The following CMPK1 variants were observed in gnomAD, a reference collection of about 807,000 sequenced individuals.
The protein encoded by CMPK1 is UMP-CMP kinase.
Under a neutral mutation model 25.7 loss-of-function variants are expected in CMPK1, and 10 were observed. The observed-to-expected ratio is 0.39, with a 90% CI of 0.24 to 0.66. The LOEUF is 0.66. CMPK1 is among the 30% of genes least tolerant of loss of function. CMPK1 has a pLI of 0.48. For synonymous variants in CMPK1, 106 were observed against 101.5 expected (o/e 1.04, Z -0.27); for missense variants, 199 against 280.5 (o/e 0.71, Z 2.08).
chr1:47,368,683 C>T, intron 2 of CMPK1, 68 bp downstream of exon 2: 1 of 1,348,600 alleles, frequency 7.4e-7, no homozygotes, highest in Non-Finnish European at 9.8e-7. Flanking sequence ...ACCTTTTGGC[C>T]AGGCAGTTGC....
chr1:47,376,982 G>T lies in CMPK1; in HGVS notation c.*237G>T. 2.9e-6 allele frequency: 1 copy of T among 349,448 alleles called. No homozygotes were observed. The allele number at this position is 349,448 out of a possible 1,614,324, so 21.6% of individuals were successfully genotyped here. ...GGTGCTCACCAAACGAAGGGTATCA[G>T]CTATTTTTTTTAAAATTCAAAAAGA... On this transcript the variant is annotated 3_prime_UTR_variant, in exon 6 of 6. Transcript: ENST00000371873.
At chr1:47,351,955 G>A (rs1412372413) in intron 1 of CMPK1, among the ~76,000 whole-genome samples, 1 of 151,994 alleles carries the variant, frequency 6.6e-6, no homozygotes, top group Non-Finnish European at 1.5e-5. Flanking sequence ...GACCAACGTA[G>A]TGAAACCCTG....
At chr1:47,358,874 C>T (rs1260138457) in intron 1 of CMPK1, 2 of 984,762 alleles carry the variant, frequency 2.0e-6, no homozygotes, top group South Asian at 4.7e-5. Flanking sequence ...CTAAAGAGCA[C>T]CTGAGATACT....
intron 1 of CMPK1, among the ~76,000 whole-genome samples, chr1:47,357,771 C>T (rs139305606): frequency 6.6e-6 from 1 of 152,010 alleles, no homozygotes; most frequent in African/African-American, 2.4e-5. Flanking sequence ...AGATGTGAGC[C>T]ACTGCACCGG....
intron 1 of CMPK1, among the ~76,000 whole-genome samples, chr1:47,335,481 A>G (rs540891119): frequency 1.3e-5 from 2 of 152,122 alleles, no homozygotes; most frequent in South Asian, 2.1e-4. Context: ...TACTAAAAAT[A>G]CAAAAATTAG....
At chr1:47,340,161 C>T (rs913416553) in intron 1 of CMPK1, among the ~76,000 whole-genome samples, 1 of 151,506 alleles carries the variant, frequency 6.6e-6, no homozygotes, top group Admixed American at 6.6e-5. Flanking sequence ...GGCTCATTCT[C>T]ACTGCAGCCT....
At chr1:47,362,111 T>G (rs1477255721) in intron 1 of CMPK1, among the ~76,000 whole-genome samples, 1 of 148,028 alleles carries the variant, frequency 6.8e-6, no homozygotes, top group South Asian at 2.1e-4. Flanking sequence ...CTCAGGTGAT[T>G]CGCCTGCCTT....
chr1:47,342,649 CTTTT>C (rs11334963), intron 1 of CMPK1, among the ~76,000 whole-genome samples: 5 of 116,406 alleles, frequency 4.3e-5, no homozygotes, highest in Non-Finnish European at 5.3e-5. Context: ...TCTCTTTTTT[CTTTT>C]TTTTTTTTTT....
intron 2 of CMPK1, among the ~76,000 whole-genome samples, chr1:47,369,345 T>C (rs1350005768): frequency 6.6e-6 from 1 of 152,072 alleles, no homozygotes; most frequent in South Asian, 2.1e-4. Flanking sequence ...GTGGTTATGC[T>C]TGAGAATGGC....
intron 1 of CMPK1, among the ~76,000 whole-genome samples, chr1:47,347,625 T>G (rs1646494478): frequency 1.3e-5 from 2 of 152,054 alleles, no homozygotes; most frequent in Non-Finnish European, 1.5e-5. Flanking sequence ...TGTTGTTGTT[T>G]TTGGTTTTTG....
intron 1 of CMPK1, chr1:47,358,581 T>C: frequency 1.0e-6 from 1 of 997,868 alleles, no homozygotes; most frequent in Non-Finnish European, 1.2e-6. Context: ...TTAAACAAAT[T>C]ACCCACTGTC....
At chr1:47,336,001 T>C (rs1267411387) in intron 1 of CMPK1, among the ~76,000 whole-genome samples, 1 of 152,134 alleles carries the variant, frequency 6.6e-6, no homozygotes, top group East Asian at 1.9e-4. Context: ...GACCTCGTGA[T>C]CTGCCCGCCT....
chr1:47,365,444 G>T (rs572942372), intron 1 of CMPK1, among the ~76,000 whole-genome samples: 1 of 151,626 alleles, frequency 6.6e-6, no homozygotes, highest in Non-Finnish European at 1.5e-5. Flanking sequence ...GACCAGCCTG[G>T]GTAACATGGC....
At chr1:47,355,816 A>G (rs1191892515) in intron 1 of CMPK1, among the ~76,000 whole-genome samples, 1 of 151,950 alleles carries the variant, frequency 6.6e-6, no homozygotes, top group Non-Finnish European at 1.5e-5. Context: ...TATGTTGGCC[A>G]GGCTGGTCTT....
chr1:47,375,295 T>TTTTTGATGAAGTTGTGC lies in CMPK1; in HGVS notation c.645+2_645+3insTTTTGATGAAGTTGTGC. 1 of 1,543,486 alleles carries TTTTTGATGAAGTTGTGC rather than the reference T, an allele frequency of 6.5e-7. No individual in the cohort carries two copies. The highest frequency in any genetic ancestry group is 8.8e-7 in the Non-Finnish European group (1 of 1,130,282). ...GATGCTTCTAAATCTGTTGATGAAG[T>TTTTTGATGAAGTTGTGC]AAGTGTTCCTAGCCTGTCTTTAAAA... is the stretch of plus-strand genomic sequence containing the variant. On this transcript the variant is annotated splice_region_variant and intron_variant, in intron 5 of 5. Coordinates refer to ENST00000371873, the MANE Select transcript of CMPK1 (RefSeq NM_016308.3).
chr1:47,371,223 T>A (rs922562977), intron 2 of CMPK1, among the ~76,000 whole-genome samples: 1 of 152,192 alleles, frequency 6.6e-6, no homozygotes, highest in African/African-American at 2.4e-5. Context: ...TTACCTCTTG[T>A]CTCAGAGGTT....
In CMPK1 at chr1:47,368,486, C is replaced by T. The variant is rs1177161667; in HGVS notation, c.189C>T (p.His63=). ...ARIVEKYGYT[H]LSAGELLRDE... The stretch of plus-strand genomic sequence containing the variant: ...TCTTTCAGAAATATGGCTACACACA[C>T]CTTTCTGCAGGAGAGCTGCTTCGTG... The change falls in exon 2 of 6, where the codon CAC becomes CAT. Residue 63 remains histidine, a synonymous_variant. Transcript: ENST00000371873. The T allele has an allele frequency of 6.2e-7, 1 of 1,611,436 alleles. No homozygotes were observed. Among genetic ancestry groups the T allele is most frequent in the Non-Finnish European group, 8.5e-7 (1 of 1,178,776 alleles).
intron 1 of CMPK1, among the ~76,000 whole-genome samples, chr1:47,347,034 C>T (rs746462047): frequency 2.0e-5 from 3 of 151,244 alleles, no homozygotes; most frequent in Non-Finnish European, 4.4e-5. Flanking sequence ...CCACCCGCCT[C>T]GGCCTCCCAA....
At position 47,378,479 on chromosome 1, in the gene CMPK1, TGAA is replaced by T. The variant is rs569073503; in HGVS notation, c.*1740_*1742del. The T allele has an allele frequency of 1.8e-3, 272 of 152,362 alleles. No homozygotes were observed. Among genetic ancestry groups the T allele is most frequent in the African/African-American group, 6.1e-3 (254 of 41,596 alleles). The allele number at this position is 152,362 out of a possible 1,614,324, so 9.4% of individuals were successfully genotyped here. A position where few individuals can be genotyped will look rare whatever the true frequency, so the allele number is the denominator to read the frequency against. On this transcript the variant is annotated 3_prime_UTR_variant, in exon 6 of 6. Transcript: ENST00000371873. ...GATTGTGAAAGCAACCTTAAAGTTT[TGAA>T]GAAGACTGATGAGACTAGGTGCTTT...
Sources: gnomAD v4.1 joint callset for allele counts (sites outside exome capture counted in the v4.1 genomes callset) on GRCh38, gnomAD v4.1.1 for gene constraint, MANE v1.5 for transcripts, NCBI Gene and HGNC (gene_info 2026-07-23, HGNC 2026-07-21) for gene names.